Variants in FBXW11 observed in about 807,000 individuals in gnomAD.
FBXW11 encodes F-box and WD repeat domain containing 11.
A neutral mutation model predicts 77.6 loss-of-function variants in FBXW11; 19 were observed. The ratio of observed to expected loss-of-function variants is 0.24; its 90% CI spans 0.17 to 0.36. FBXW11 has a LOEUF of 0.36. FBXW11 is among the 10% of genes least tolerant of loss of function. The pLI is 1.00. For synonymous variants in FBXW11, 235 were observed against 249.4 expected (o/e 0.94, Z 0.54); for missense variants, 334 against 704.2 (o/e 0.47, Z 5.95).
chr5:171,891,399 T>C (rs1759337142), intron 7 of FBXW11, 68 bp downstream of exon 7: 1 of 1,396,378 alleles, frequency 7.2e-7, no homozygotes. Flanking sequence ...ATGGAAAGAT[T>C]GTCACATCTA....
intron 6 of FBXW11, among the ~76,000 whole-genome samples, chr5:171,892,962 A>G (rs979853163): frequency 2.6e-5 from 4 of 152,230 alleles, no homozygotes; most frequent in Non-Finnish European, 5.9e-5. Context: ...TGAAGATAGT[A>G]TCCTTCTGTG....
At chr5:171,977,306 T>C (rs1449597420) in intron 1 of FBXW11, among the ~76,000 whole-genome samples, 3 of 129,774 alleles carry the variant, frequency 2.3e-5, no homozygotes, top group Non-Finnish European at 4.7e-5. Context: ...CAAGACCATG[T>C]CTCAAAAAAA....
Position 171,876,369 on chromosome 5 carries a change from G to C in FBXW11, c.1137C>G (p.Val379=), listed in dbSNP as rs1227192682. 1 of 1,614,046 alleles carries C rather than the reference G, an allele frequency of 6.2e-7. No individual in the cohort carries two copies. The highest frequency in any genetic ancestry group is 1.3e-5 in the African/African-American group (1 of 74,934). The change falls in exon 9 of 14, where the codon GTC becomes GTG. Residue 379 remains valine (V), a synonymous_variant. Transcript: ENST00000517395. This position sits in a 1 kb window ranked among gnomAD's most constrained non-coding sequence, Gnocchi z 4.2. The stretch of plus-strand genomic sequence containing the variant: ...TGACGGCAGCCCGGTGGCCAACCAG[G>C]ACACGGCGTAAAGTGATGTCGGTCG... ...ASATDITLRR[V]LVGHRAAVNV... is the part of the protein sequence containing the mutation.
intron 13 of FBXW11, 93 bp downstream of exon 13, chr5:171,868,517 T>C (rs192738546): frequency 3.9e-4 from 403 of 1,030,374 alleles, no homozygotes; most frequent in Admixed American, 1.2e-3. Flanking sequence ...AGACCTTGGT[T>C]CACACATCAC....
At position 171,891,613 on chromosome 5, in the gene FBXW11, A is replaced by G. The variant is rs1475376303; in HGVS notation, c.715-9T>C. The G allele has an allele frequency of 6.2e-7, 1 of 1,603,662 alleles. No individual in the cohort carries two copies. Among genetic ancestry groups the G allele is most frequent in the Admixed American group, 1.7e-5 (1 of 57,312 alleles). On this transcript the variant is annotated splice_polypyrimidine_tract_variant and intron_variant, in intron 6 of 13. Coordinates refer to ENST00000517395, the MANE Select transcript of FBXW11 (RefSeq NM_001378974.1). ...CAGTTAGATTCTATAGTCTAGGGAA[A>G]AAAGGAGGCAAGAGATGAGTTTTTA...
chr5:171,894,133 G>C (rs939549033), intron 6 of FBXW11, among the ~76,000 whole-genome samples: 1 of 151,966 alleles, frequency 6.6e-6, no homozygotes, highest in African/African-American at 2.4e-5. Flanking sequence ...GAGGAGCCAG[G>C]GTCAGGTACA....
At chr5:171,912,650 T>C (rs1760953862) in intron 3 of FBXW11, among the ~76,000 whole-genome samples, 1 of 152,252 alleles carries the variant, frequency 6.6e-6, no homozygotes, top group South Asian at 2.1e-4. Flanking sequence ...CTCATGCCTG[T>C]AATCCCAGCA....
intron 7 of FBXW11, among the ~76,000 whole-genome samples, chr5:171,880,552 T>C (rs1758430480): frequency 1.3e-5 from 2 of 152,234 alleles, no homozygotes; most frequent in South Asian, 4.1e-4. Flanking sequence ...ATAGTCTTCC[T>C]ACCCATGAGC....
intron 1 of FBXW11, among the ~76,000 whole-genome samples, chr5:171,976,400 T>TC (rs1363227226): frequency 6.6e-6 from 1 of 152,152 alleles, no homozygotes; most frequent in Non-Finnish European, 1.5e-5. Flanking sequence ...CATTTGCTCT[T>TC]CCAAATTTAT....
chr5:171,986,228 T>C (rs1354218092), intron 1 of FBXW11, among the ~76,000 whole-genome samples: 23 of 141,744 alleles, frequency 1.6e-4, no homozygotes, highest in South Asian at 1.1e-3. Context: ...GCCAACATGG[T>C]GAAACCCCAT....
At chr5:171,997,018 T>C in intron 1 of FBXW11, 1 of 1,289,860 alleles carries the variant, frequency 7.8e-7, no homozygotes, top group Admixed American at 2.3e-5. Flanking sequence ...TATCCAGCTT[T>C]CTTCAACAAA....
chr5:171,928,565 C>A (rs115221359), intron 2 of FBXW11, among the ~76,000 whole-genome samples: 3 of 152,178 alleles, frequency 2.0e-5, no homozygotes. Context: ...TATAGACCAA[C>A]GGGACAGAAT....
At chr5:171,981,563 C>T (rs1331330755) in intron 1 of FBXW11, among the ~76,000 whole-genome samples, 1 of 152,112 alleles carries the variant, frequency 6.6e-6, no homozygotes, top group African/African-American at 2.4e-5. Flanking sequence ...CTACAGGACA[C>T]CCAGTTGGTG....
At chr5:171,981,829 A>T (rs1415677611) in intron 1 of FBXW11, among the ~76,000 whole-genome samples, 1 of 152,230 alleles carries the variant, frequency 6.6e-6, no homozygotes, top group African/African-American at 2.4e-5. Flanking sequence ...ACAGTTATAT[A>T]CTCATATAAT....
At chr5:171,987,194 G>A (rs545619517) in intron 1 of FBXW11, among the ~76,000 whole-genome samples, 1 of 152,284 alleles carries the variant, frequency 6.6e-6, no homozygotes, top group East Asian at 1.9e-4. Context: ...GGAGACCAAT[G>A]ACCTAACGGG....
intron 1 of FBXW11, among the ~76,000 whole-genome samples, chr5:171,999,229 A>G (rs1343452081): frequency 2.0e-5 from 3 of 152,124 alleles, no homozygotes; most frequent in Non-Finnish European, 2.9e-5. Flanking sequence ...CGAACTGCTA[A>G]AACAGTATAC....
intron 7 of FBXW11, among the ~76,000 whole-genome samples, chr5:171,881,261 G>A (rs986333621): frequency 1.3e-5 from 2 of 152,124 alleles, no homozygotes; most frequent in Non-Finnish European, 2.9e-5. Context: ...AAACATAGTG[G>A]TGAGTGGGGA....
intron 2 of FBXW11, among the ~76,000 whole-genome samples, chr5:171,936,698 C>G (rs1762501796): frequency 6.6e-6 from 1 of 151,994 alleles, no homozygotes; most frequent in African/African-American, 2.4e-5. Flanking sequence ...TACAAGACAG[C>G]TCAAGAAAAC....
chr5:171,964,133 T>A (rs1339121973), intron 1 of FBXW11, among the ~76,000 whole-genome samples: 2 of 152,214 alleles, frequency 1.3e-5, no homozygotes, highest in Admixed American at 6.5e-5. Flanking sequence ...CTCATTTTTG[T>A]TTTACAAACA....
Sources: gnomAD v4.1 joint callset for allele counts (sites outside exome capture counted in the v4.1 genomes callset) on GRCh38, gnomAD v4.1.1 for gene constraint, Gnocchi (gnomAD v3.1) non-coding constraint, MANE v1.5 for transcripts, NCBI Gene and HGNC (gene_info 2026-07-23, HGNC 2026-07-21) for gene names.